SH3D19: variants seen among roughly 807,000 people sequenced by gnomAD.
SH3D19 encodes SH3 domain-containing protein 19.
Under a neutral mutation model 112.1 loss-of-function variants are expected in SH3D19, and 58 were observed. The ratio of observed to expected loss-of-function variants is 0.52; its 90% CI spans 0.42 to 0.64. The LOEUF is 0.64. Ranked by LOEUF, SH3D19 falls within the 30% of genes least tolerant of loss-of-function variation. The pLI is 0.00. For missense variants in SH3D19, 1,090 were observed against 1,263.4 expected (o/e 0.86, Z 2.08); for synonymous variants, 391 against 448.5 (o/e 0.87, Z 1.62).
At chr4:151,260,323 T>C (rs778269319) in intron 1 of SH3D19, among the ~76,000 whole-genome samples, 11 of 152,210 alleles carry the variant, frequency 7.2e-5, no homozygotes, top group Non-Finnish European at 1.5e-4. Flanking sequence ...TGCACTTCTA[T>C]TTGGCATCTC....
chr4:151,224,290 C>CA (rs1768605270), intron 2 of SH3D19, among the ~76,000 whole-genome samples: 1 of 151,842 alleles, frequency 6.6e-6, no homozygotes, highest in Admixed American at 6.6e-5. Context: ...GCCTGGGAAA[C>CA]AGGGCGAGAC....
rs567530960 is a variant in SH3D19, at chr4:151,265,578, T to C, written c.113-39492A>G. Reference sequence around the variant, plus strand: ...TTATTTTATTTCTTTTCTTTTTTTTTTTTTTTTTTTTTTTTAAAGACAGAG... The same window carrying C: ...TTATTTTATTTCTTTTCTTTTTTTTCTTTTTTTTTTTTTTTAAAGACAGAG... On this transcript the variant is annotated intron_variant, in intron 1 of 19. Transcript: ENST00000604030. Among the ~76,000 whole-genome samples, 352 of 147,052 alleles carry C rather than the reference T, an allele frequency of 2.4e-3. 1 individual carries two copies. Among genetic ancestry groups the C allele is most frequent in the Middle Eastern group, 6.9e-3 (2 of 290 alleles).
intron 2 of SH3D19, among the ~76,000 whole-genome samples, chr4:151,208,531 T>C (rs1765446733): frequency 6.6e-6 from 1 of 151,784 alleles, no homozygotes; most frequent in Admixed American, 6.6e-5. Flanking sequence ...GCACGAAACC[T>C]GGCTAGTTTT....
chr4:151,224,607 C>T (rs973212612), intron 2 of SH3D19, among the ~76,000 whole-genome samples: 6 of 152,166 alleles, frequency 3.9e-5, no homozygotes, highest in African/African-American at 1.4e-4. Context: ...TGTCAAAGGT[C>T]TTGGGGATCC....
chr4:151,307,362 C>A (rs547996455), intron 1 of SH3D19, among the ~76,000 whole-genome samples: 1 of 152,326 alleles, frequency 6.6e-6, no homozygotes, highest in East Asian at 1.9e-4. Flanking sequence ...TCCCTTCTTA[C>A]CTGAACAACA....
intron 1 of SH3D19, among the ~76,000 whole-genome samples, chr4:151,246,705 C>G (rs755679819): frequency 1.3e-5 from 2 of 152,144 alleles, no homozygotes; most frequent in Non-Finnish European, 2.9e-5. Flanking sequence ...ACTCACTTGA[C>G]CTTCTCAAGA....
chr4:151,266,426 CATG>C (rs1772797641), intron 1 of SH3D19, among the ~76,000 whole-genome samples: 1 of 152,180 alleles, frequency 6.6e-6, no homozygotes, highest in Non-Finnish European at 1.5e-5. Flanking sequence ...GTGAAATGCT[CATG>C]GAGATTAGCT....
At chr4:151,128,478 G>A (rs566568912) in intron 17 of SH3D19, 122 bp from the exon 18 acceptor site, 3 of 675,546 alleles carry the variant, frequency 4.4e-6, no homozygotes, top group African/African-American at 1.8e-5. Context: ...AAGCCTGAAG[G>A]CTTCTTTAAA....
intron 1 of SH3D19, among the ~76,000 whole-genome samples, chr4:151,231,346 AAT>A (rs199937732): frequency 4.6e-5 from 7 of 151,728 alleles, no homozygotes; most frequent in Admixed American, 2.6e-4. Context: ...GAAAACTGCA[AAT>A]ATATATATAT....
chr4:151,141,166 C>T (rs1486796830), intron 12 of SH3D19: 1 of 152,100 alleles, frequency 6.6e-6, no homozygotes, highest in Admixed American at 6.6e-5. Context: ...TGCTCTGTCA[C>T]CTAGGCTGTG....
intron 2 of SH3D19, among the ~76,000 whole-genome samples, chr4:151,196,014 C>T (rs566212247): frequency 3.3e-5 from 5 of 151,858 alleles, no homozygotes; most frequent in South Asian, 2.1e-4. Flanking sequence ...CACATCCCTT[C>T]GGACACTTCC....
In SH3D19 at chr4:151,142,761, C is replaced by T. The variant is rs189977898; in HGVS notation, c.2223+1149G>A. On this transcript the variant is annotated intron_variant, in intron 12 of 19. Coordinates refer to ENST00000604030, the MANE Select transcript of SH3D19 (RefSeq NM_001378122.1). ...TAGAGATATTTACCTTAAAACTAGG[C>T]TTTCAAATAGGTAAGTTTTATTTAA... 5.2e-3 allele frequency among the ~76,000 whole-genome samples: 788 copies of T among 152,086 alleles called. 5 individuals carry two copies. Among genetic ancestry groups the T allele is most frequent in the African/African-American group, 0.018 (733 of 41,510 alleles).
At chr4:151,194,964 A>G (rs1276333808) in intron 2 of SH3D19, among the ~76,000 whole-genome samples, 1 of 150,850 alleles carries the variant, frequency 6.6e-6, no homozygotes, top group African/African-American at 2.4e-5. Context: ...AATCCCAGCT[A>G]CCCGGTAGGC....
chr4:151,219,728 TG>T (rs1356607103), intron 2 of SH3D19, among the ~76,000 whole-genome samples: 9 of 152,352 alleles, frequency 5.9e-5, no homozygotes, highest in African/African-American at 2.2e-4. Context: ...TACTAACCTT[TG>T]TCACCTACGT....
intron 1 of SH3D19, among the ~76,000 whole-genome samples, chr4:151,227,293 G>A (rs1381062873): frequency 6.6e-6 from 1 of 152,176 alleles, no homozygotes; most frequent in Non-Finnish European, 1.5e-5. Flanking sequence ...TTAAACGTAT[G>A]TAACAATTCT....
chr4:151,129,648 G>T (rs1431103912), intron 17 of SH3D19, among the ~76,000 whole-genome samples: 1 of 152,210 alleles, frequency 6.6e-6, no homozygotes, highest in African/African-American at 2.4e-5. Flanking sequence ...GGGATTACAG[G>T]AGTGAGCCTC....
chr4:151,234,893 G>C (rs1159502389), intron 1 of SH3D19, among the ~76,000 whole-genome samples: 3 of 151,424 alleles, frequency 2.0e-5, no homozygotes, highest in African/African-American at 7.3e-5. Context: ...ACAGGTATGT[G>C]CCATCACACC....
intron 12 of SH3D19, 86 bp from the exon 13 acceptor site, chr4:151,139,933 C>A: frequency 9.1e-7 from 1 of 1,096,188 alleles, no homozygotes. Flanking sequence ...TTTTTTTTCT[C>A]ATTAGAGTCC....
intron 1 of SH3D19, chr4:151,228,178 G>C (rs1167370815): frequency 5.0e-6 from 2 of 402,982 alleles, no homozygotes; most frequent in Non-Finnish European, 6.7e-6. Context: ...TATCTGCTGG[G>C]GGAAATTTTA....
Sources: gnomAD v4.1 joint callset for allele counts (sites outside exome capture counted in the v4.1 genomes callset) on GRCh38, gnomAD v4.1.1 for gene constraint, MANE v1.5 for transcripts, NCBI Gene and HGNC (gene_info 2026-07-23, HGNC 2026-07-21) for gene names.